Variants in CCDC60 observed in about 807,000 individuals in gnomAD.
CCDC60 encodes the protein coiled-coil domain-containing protein 60.
Under a neutral mutation model 63.5 loss-of-function variants are expected in CCDC60, and 54 were observed. The observed-to-expected ratio is 0.85, with a 90% CI of 0.68 to 1.07. The LOEUF (loss-of-function observed/expected upper bound fraction) is 1.07. Among genes scored for constraint, CCDC60 ranks in the 50% least tolerant of loss-of-function variants. The pLI is 0.00. For missense variants in CCDC60, 651 were observed against 684.3 expected (o/e 0.95, Z 0.54); for synonymous variants, 206 against 238.8 (o/e 0.86, Z 1.27).
chr12:119,361,907 G>A (rs971159024), intron 1 of CCDC60, among the ~76,000 whole-genome samples: 3 of 152,220 alleles, frequency 2.0e-5, no homozygotes, highest in African/African-American at 7.2e-5. Context: ...ATTGTGCATA[G>A]TTTAATGAGG....
At chr12:119,538,196 A>G (rs1216361627) in intron 13 of CCDC60, among the ~76,000 whole-genome samples, 1 of 152,232 alleles carries the variant, frequency 6.6e-6, no homozygotes, top group Non-Finnish European at 1.5e-5. Context: ...GCAGTGAGCA[A>G]TGCTCCATGG....
At chr12:119,372,524 G>A (rs185981038) in intron 1 of CCDC60, among the ~76,000 whole-genome samples, 1 of 152,236 alleles carries the variant, frequency 6.6e-6, no homozygotes, top group East Asian at 1.9e-4. Context: ...ACAATCACTG[G>A]GCAAAATCTC....
intron 2 of CCDC60, among the ~76,000 whole-genome samples, chr12:119,434,408 T>C (rs1950290173): frequency 6.6e-6 from 1 of 152,148 alleles, no homozygotes; most frequent in South Asian, 2.1e-4. Context: ...CATTGCTGTA[T>C]ATATTGGAGA....
chr12:119,528,009 C>G (rs2136520940), intron 11 of CCDC60, among the ~76,000 whole-genome samples: 1 of 152,056 alleles, frequency 6.6e-6, no homozygotes, highest in South Asian at 2.1e-4. Context: ...GGATAAAATT[C>G]TGGAAGAGAA....
intron 1 of CCDC60, among the ~76,000 whole-genome samples, chr12:119,344,465 G>T (rs763536252): frequency 1.3e-4 from 20 of 152,102 alleles, no homozygotes; most frequent in Non-Finnish European, 2.6e-4. Context: ...CTACCACAGG[G>T]TGGGTGTTCA....
At chr12:119,384,870 G>A (rs563335559) in intron 1 of CCDC60, among the ~76,000 whole-genome samples, 9 of 152,216 alleles carry the variant, frequency 5.9e-5, no homozygotes, top group African/African-American at 1.2e-4. Flanking sequence ...CACCTTGACC[G>A]CTTGGCCATG....
At chr12:119,440,703 A>C (rs1346785906) in intron 2 of CCDC60, among the ~76,000 whole-genome samples, 2 of 152,122 alleles carry the variant, frequency 1.3e-5, no homozygotes, top group African/African-American at 2.4e-5. Flanking sequence ...GGGAGTGGGA[A>C]TACAGAGTGG....
chr12:119,368,948 G>C (rs4766940), intron 1 of CCDC60, among the ~76,000 whole-genome samples: 1 of 151,960 alleles, frequency 6.6e-6, no homozygotes, highest in African/African-American at 2.4e-5. Context: ...CTGAACTAAC[G>C]TCTAGAGAGG....
intron 1 of CCDC60, among the ~76,000 whole-genome samples, chr12:119,389,893 A>G (rs956890186): frequency 6.6e-6 from 1 of 152,182 alleles, no homozygotes; most frequent in African/African-American, 2.4e-5. Flanking sequence ...TGGAAAATGC[A>G]AATGGAAGAC....
chr12:119,439,976 A>C (rs1593089949), intron 2 of CCDC60, among the ~76,000 whole-genome samples: 1 of 149,134 alleles, frequency 6.7e-6, no homozygotes, highest in Non-Finnish European at 1.5e-5. Flanking sequence ...AAAGCCAAAC[A>C]CCGCATGTTC....
chr12:119,488,612 T>C (rs1951512157), intron 4 of CCDC60, 147 bp from the exon 5 acceptor site: 1 of 654,194 alleles, frequency 1.5e-6, no homozygotes, highest in South Asian at 1.9e-5. Flanking sequence ...CCAAATGAGA[T>C]GATACATGCA....
At chr12:119,524,116 G>A (rs1362477344) in intron 11 of CCDC60, among the ~76,000 whole-genome samples, 1 of 152,182 alleles carries the variant, frequency 6.6e-6, no homozygotes, top group Non-Finnish European at 1.5e-5. Flanking sequence ...CTCTGAGGAG[G>A]TGACTTTTAG....
At chr12:119,531,316 G>A (rs1236111726) in intron 13 of CCDC60, among the ~76,000 whole-genome samples, 1 of 152,178 alleles carries the variant, frequency 6.6e-6, no homozygotes, top group Non-Finnish European at 1.5e-5. Flanking sequence ...GCAGTAATAA[G>A]GAGTCCTTTA....
At chr12:119,405,738 C>T (rs1956476114) in intron 1 of CCDC60, among the ~76,000 whole-genome samples, 1 of 152,170 alleles carries the variant, frequency 6.6e-6, no homozygotes, top group South Asian at 2.1e-4. Flanking sequence ...TTAGTTTATG[C>T]ATTTAAAACT....
intron 8 of CCDC60, among the ~76,000 whole-genome samples, chr12:119,519,369 C>T (rs1952436314): frequency 6.6e-6 from 1 of 151,150 alleles, no homozygotes; most frequent in Non-Finnish European, 1.5e-5. Context: ...CCAGAATCCA[C>T]TGAATCAGAA....
intron 1 of CCDC60, among the ~76,000 whole-genome samples, chr12:119,391,606 G>C (rs1263882982): frequency 6.6e-6 from 1 of 152,200 alleles, no homozygotes; most frequent in Non-Finnish European, 1.5e-5. Flanking sequence ...ACAGAAAAGT[G>C]CATGTAATGT....
At chr12:119,512,119 A>T (rs1952228989) in intron 7 of CCDC60, among the ~76,000 whole-genome samples, 1 of 152,212 alleles carries the variant, frequency 6.6e-6, no homozygotes, top group South Asian at 2.1e-4. Flanking sequence ...TAATATGCAA[A>T]GGTGGATGTA....
At chr12:119,473,010 T>G (rs1315563791) in intron 3 of CCDC60, among the ~76,000 whole-genome samples, 4 of 152,248 alleles carry the variant, frequency 2.6e-5, no homozygotes, top group African/African-American at 9.6e-5. Context: ...TGATGTTTAC[T>G]GTGTGCTTAA....
intron 1 of CCDC60, among the ~76,000 whole-genome samples, chr12:119,421,232 G>T (rs946172321): frequency 5.9e-5 from 9 of 152,108 alleles, no homozygotes; most frequent in Admixed American, 2.0e-4. Context: ...TAGAAAATTG[G>T]CTTTCCGGCC....
Sources: allele counts gnomAD v4.1 joint callset (sites outside exome capture counted in the v4.1 genomes callset), GRCh38; gene constraint gnomAD v4.1.1; transcripts MANE v1.5; gene names NCBI Gene and HGNC (gene_info 2026-07-23, HGNC 2026-07-21).